Variants in PADI6 observed in about 807,000 individuals in gnomAD.
The protein encoded by PADI6 is inactive protein-arginine deiminase type-6.
Under a neutral mutation model 78.2 loss-of-function variants are expected in PADI6, and 66 were observed. The ratio of observed to expected loss-of-function variants is 0.84; its 90% CI spans 0.69 to 1.04. The LOEUF (loss-of-function observed/expected upper bound fraction) is 1.04, where lower values mean the gene tolerates loss of function less well. PADI6 is among the 50% of genes least tolerant of loss of function. PADI6 has a pLI of 0.00. For missense variants in PADI6, 854 were observed against 866.1 expected (o/e 0.99, Z 0.18); for synonymous variants, 397 against 346.9 (o/e 1.14, Z -1.60).
At chr1:17,390,497 G>A (rs962384263) in intron 8 of PADI6, among the ~76,000 whole-genome samples, 2 of 151,856 alleles carry the variant, frequency 1.3e-5, no homozygotes, top group African/African-American at 2.4e-5. Context: ...CCAGCTACTC[G>A]GGAGGCTGAG....
rs754201407 is a variant in PADI6 at position 17,401,425 on chromosome 1, A to G, written c.2072A>G (p.Lys691Arg). ...RRVPFAFKWWKMVP is the reference protein window; with the variant it reads ...RRVPFAFKWWRMVP ...GTGCCCTTTGCCTTCAAATGGTGGA[A>G]GATGGTACCTTAGACCCAGGCCCTG... is the stretch of plus-strand genomic sequence containing the variant. The change falls in exon 16 of 16, where the codon AAG becomes AGG. Residue 691 changes from lysine to arginine, a missense_variant. Transcript: ENST00000619609. 1.2e-6 allele frequency: 2 copies of G among 1,613,952 alleles called. No individual in the cohort carries two copies. The highest frequency in any genetic ancestry group is 1.7e-6 in the Non-Finnish European group (2 of 1,179,848).
intron 2 of PADI6, among the ~76,000 whole-genome samples, chr1:17,375,192 C>G (rs1282016717): frequency 2.0e-5 from 3 of 152,174 alleles, no homozygotes; most frequent in Admixed American, 2.0e-4. Flanking sequence ...CAGGTGGTTT[C>G]AAGCCTGGCT....
At chr1:17,377,652 T>G (rs147644801) in intron 3 of PADI6, among the ~76,000 whole-genome samples, 1 of 152,228 alleles carries the variant, frequency 6.6e-6, no homozygotes, top group Non-Finnish European at 1.5e-5. Context: ...TGGCATCACC[T>G]GATTCTTCTT....
At chr1:17,383,187 G>A (rs1232659729) in intron 6 of PADI6, among the ~76,000 whole-genome samples, 1 of 152,196 alleles carries the variant, frequency 6.6e-6, no homozygotes, top group Non-Finnish European at 1.5e-5. Flanking sequence ...CATCTTTGTT[G>A]CCAGCATTGG....
At chr1:17,388,669 G>A in intron 7 of PADI6, 108 bp from the exon 8 acceptor site, 3 of 1,455,554 alleles carry the variant, frequency 2.1e-6, no homozygotes, top group Admixed American at 2.0e-5. Context: ...GCTGCAGAAG[G>A]CAAGTGGGGC....
intron 1 of PADI6, 43 bp downstream of exon 1, chr1:17,372,404 C>A (rs1473709113): frequency 1.3e-6 from 2 of 1,571,576 alleles, no homozygotes; most frequent in Non-Finnish European, 1.8e-6. Context: ...GGCAGACAGG[C>A]AGGCAGGCCT....
chr1:17,388,586 C>T (rs2526842), intron 7 of PADI6, 27 bp downstream of exon 7: 436,463 of 1,573,216 alleles, frequency 0.28, 61,676 homozygotes, highest in African/African-American at 0.37. Context: ...GATGGGTCCT[C>T]AGACTAGGAT....
rs1215160235 is a variant in PADI6 at position 17,392,214 on chromosome 1, A to T, written c.1063A>T (p.Arg355Trp). 1 of 1,553,906 alleles carries T rather than the reference A, an allele frequency of 6.4e-7. No individual in the cohort carries two copies. Among genetic ancestry groups the T allele is most frequent in the Non-Finnish European group, 8.7e-7 (1 of 1,148,322 alleles). Reference protein sequence around the residue: ...SVYEDPNRLGRWLQDEMAFCY... With the variant: ...SVYEDPNRLGWWLQDEMAFCY... ...CTATGAGGACCCCAACCGCCTGGGCAGGTGGCTCCAGGTAACACCCCACCT... is the reference window on the plus strand; with the variant it reads ...CTATGAGGACCCCAACCGCCTGGGCTGGTGGCTCCAGGTAACACCCCACCT... The change falls in exon 9 of 16, where the codon AGG becomes TGG. Residue 355 changes from arginine (R) to tryptophan (W), a missense_variant. Physicochemically the swap from Arg to Trp is moderately radical, Grantham distance 101 (BLOSUM62 -3). Coordinates refer to ENST00000619609, the MANE Select transcript of PADI6 (RefSeq NM_207421.4).
Position 17,401,248 on chromosome 1 carries a change from C to T in PADI6, c.1895C>T (p.Pro632Leu), listed in dbSNP as rs781506449. Residue 632 changes from proline to leucine, a missense_variant, in exon 16 of 16, where the codon CCT becomes CTT. Physicochemically the swap from Pro to Leu is moderately conservative, Grantham distance 98 (BLOSUM62 -3). Transcript: ENST00000619609. ...VMGKNLGIPKPFGPQIKGTCC... is the reference protein window; with the variant it reads ...VMGKNLGIPKLFGPQIKGTCC... ...GGCAAGAACCTGGGGATCCCCAAGCCTTTTGGGCCCCAAATCAAGGGGACC... is the reference window on the plus strand; with the variant it reads ...GGCAAGAACCTGGGGATCCCCAAGCTTTTTGGGCCCCAAATCAAGGGGACC... 4 of 1,614,060 alleles carry T rather than the reference C, an allele frequency of 2.5e-6. No individual in the cohort carries two copies. Among genetic ancestry groups the T allele is most frequent in the Non-Finnish European group, 3.4e-6 (4 of 1,179,900 alleles).
intron 11 of PADI6, 106 bp downstream of exon 11, chr1:17,394,560 C>CT: frequency 8.1e-7 from 1 of 1,234,428 alleles, no homozygotes; most frequent in Non-Finnish European, 1.1e-6. Flanking sequence ...CACACTGGAC[C>CT]ATTTCTTAAA....
intron 3 of PADI6, among the ~76,000 whole-genome samples, chr1:17,375,709 C>T (rs953917797): frequency 3.9e-5 from 6 of 152,226 alleles, no homozygotes; most frequent in East Asian, 1.9e-4. Flanking sequence ...TCTCCATCTT[C>T]GTGCACTGCC....
At chr1:17,387,528 TCA>T (rs1428420092) in intron 6 of PADI6, among the ~76,000 whole-genome samples, 1 of 151,794 alleles carries the variant, frequency 6.6e-6, no homozygotes, top group African/African-American at 2.4e-5. Context: ...GGTAGGCAGA[TCA>T]CGAGGTCAGG....
intron 4 of PADI6, among the ~76,000 whole-genome samples, chr1:17,380,591 GA>G (rs1244200540): frequency 6.6e-6 from 1 of 152,062 alleles, no homozygotes; most frequent in Non-Finnish European, 1.5e-5. Context: ...GGATGGTCTC[GA>G]AATCCTGATC....
At chr1:17,390,040 T>C (rs2075166799) in intron 8 of PADI6, among the ~76,000 whole-genome samples, 1 of 152,194 alleles carries the variant, frequency 6.6e-6, no homozygotes, top group African/African-American at 2.4e-5. Flanking sequence ...GGCTCACACC[T>C]ATAATCCCAG....
chr1:17,376,701 G>T (rs1224283358), intron 3 of PADI6, among the ~76,000 whole-genome samples: 2 of 151,666 alleles, frequency 1.3e-5, no homozygotes, highest in Non-Finnish European at 2.9e-5. Context: ...CTGGGCCTAG[G>T]TTGTCTTTTA....
Position 17,394,383 on chromosome 1 carries a change from C to T in PADI6, c.1266C>T (p.Ser422=). Residue 422 remains serine, a synonymous_variant, in exon 11 of 16, where the codon TCC becomes TCT. Transcript: ENST00000619609. ...SMDSIGNLMV[S]PPVKVQGKEY... ...ATTCCATTGGGAACCTGATGGTGTCCCCACCTGTCAAGGTCCAAGGGAAAG... is the reference window on the plus strand; with the variant it reads ...ATTCCATTGGGAACCTGATGGTGTCTCCACCTGTCAAGGTCCAAGGGAAAG... The T allele has an allele frequency of 1.9e-6, 3 of 1,613,728 alleles. No homozygotes were observed. Among genetic ancestry groups the T allele is most frequent in the South Asian group, 1.1e-5 (1 of 91,050 alleles).
rs768158348 is a variant in PADI6, at chr1:17,395,032, A to C, written c.1419A>C (p.Ser473=). 1.2e-6 allele frequency: 2 copies of C among 1,613,940 alleles called. No individual in the cohort carries two copies. Residue 473 remains serine, a synonymous_variant, in exon 12 of 16, where the codon TCA becomes TCC. Coordinates refer to ENST00000619609, the MANE Select transcript of PADI6 (RefSeq NM_207421.4). ...TCCAAGCGCCGGTGGAGCTCTACTC[A>C]GATTGGCTAATGACTGGCCACGTGG... ...QQVQAPVELY[S]DWLMTGHVDE...
chr1:17,400,009 T>C (rs1278247776), intron 15 of PADI6, among the ~76,000 whole-genome samples: 4 of 151,776 alleles, frequency 2.6e-5, no homozygotes, highest in Non-Finnish European at 4.4e-5. Context: ...GACTCCAGCC[T>C]GGGCAACAGC....
chr1:17,381,889 C>G, intron 5 of PADI6, 78 bp from the exon 6 acceptor site: 1 of 1,566,048 alleles, frequency 6.4e-7, no homozygotes, highest in Non-Finnish European at 8.8e-7. Context: ...CTCCCGGCCC[C>G]TCTCTACTGC....
Sources: allele counts gnomAD v4.1 joint callset (sites outside exome capture counted in the v4.1 genomes callset), GRCh38; gene constraint gnomAD v4.1.1; transcripts MANE v1.5; gene names NCBI Gene and HGNC (gene_info 2026-07-23, HGNC 2026-07-21).